The following HIPK2 variants were observed in gnomAD, a reference collection of about 807,000 sequenced individuals.
The protein encoded by HIPK2 is homeodomain interacting protein kinase 2.
Under a neutral mutation model 113.7 loss-of-function variants are expected in HIPK2, and 27 were observed. The ratio of observed to expected loss-of-function variants is 0.24; its 90% CI spans 0.17 to 0.33. The LOEUF is 0.33. Ranked by LOEUF, HIPK2 falls within the 10% of genes least tolerant of loss-of-function variation. The pLI is 1.00. For synonymous variants in HIPK2, 631 were observed against 642.2 expected (o/e 0.98, Z 0.26); for missense variants, 1,257 against 1,588.0 (o/e 0.79, Z 3.54).
intron 1 of HIPK2, among the ~76,000 whole-genome samples, chr7:139,758,758 A>C (rs554078147): frequency 1.3e-5 from 2 of 152,170 alleles, no homozygotes; most frequent in Non-Finnish European, 2.9e-5. Flanking sequence ...CCCCCAGTCC[A>C]TGGAAAAATT....
chr7:139,634,680 T>G (rs1238412173), intron 2 of HIPK2, among the ~76,000 whole-genome samples: 2 of 141,974 alleles, frequency 1.4e-5, no homozygotes, highest in Non-Finnish European at 1.5e-5. Flanking sequence ...TCAGGTTTTT[T>G]TTTTTTTTTT....
chr7:139,714,046 G>A lies in HIPK2; in HGVS notation c.1103+1886C>T, dbSNP rs148854842. On this transcript the variant is annotated intron_variant, in intron 2 of 14. Coordinates refer to ENST00000406875, the MANE Select transcript of HIPK2 (RefSeq NM_022740.5). This position sits in a 1 kb window ranked among gnomAD's most constrained non-coding sequence, Gnocchi z 4.2. ...CCCTGCCATTGGCTCTGGGGCCAGC[G>A]GGGCACAGAGTGGATGGCCTGGTCA... Among the ~76,000 whole-genome samples, 215 of 152,310 alleles carry A rather than the reference G, an allele frequency of 1.4e-3. No homozygotes were observed. Among genetic ancestry groups the A allele is most frequent in the African/African-American group, 4.9e-3 (203 of 41,572 alleles).
intron 10 of HIPK2, among the ~76,000 whole-genome samples, chr7:139,602,491 G>A (rs142881483): frequency 0.016 from 2,402 of 152,174 alleles, 30 homozygotes; most frequent in Non-Finnish European, 0.024. Context: ...GAGGGAGGAG[G>A]AATAAGAAAA....
intron 14 of HIPK2, among the ~76,000 whole-genome samples, chr7:139,574,688 G>C (rs1448519262): frequency 6.6e-6 from 1 of 152,186 alleles, no homozygotes; most frequent in Non-Finnish European, 1.5e-5. Context: ...CCTTCCTCCA[G>C]GTCCTGGGAC....
At chr7:139,748,519 G>C (rs1388040413) in intron 1 of HIPK2, among the ~76,000 whole-genome samples, 2 of 151,554 alleles carry the variant, frequency 1.3e-5, no homozygotes, top group Non-Finnish European at 2.9e-5. Context: ...TTTCCGGTGG[G>C]CGCTGGCAAT....
intron 1 of HIPK2, among the ~76,000 whole-genome samples, chr7:139,731,209 G>A (rs1795769102): frequency 1.3e-5 from 2 of 152,168 alleles, no homozygotes; most frequent in African/African-American, 2.4e-5. Flanking sequence ...GCAAAGTGAC[G>A]CTGGCCAAAT....
intron 2 of HIPK2, among the ~76,000 whole-genome samples, chr7:139,706,462 A>G (rs1484883205): frequency 1.3e-5 from 2 of 152,242 alleles, no homozygotes; most frequent in African/African-American, 4.8e-5. Context: ...GATGCCGCTC[A>G]TATCATTCAT....
intron 2 of HIPK2, among the ~76,000 whole-genome samples, chr7:139,715,619 C>A (rs1795205694): frequency 6.6e-6 from 1 of 152,134 alleles, no homozygotes; most frequent in East Asian, 1.9e-4. Flanking sequence ...ATGGCACATC[C>A]CTCTCTCTCC....
chr7:139,596,579 C>T (rs1466010590), intron 12 of HIPK2, 138 bp downstream of exon 12: 4 of 1,144,972 alleles, frequency 3.5e-6, no homozygotes, highest in South Asian at 1.5e-5. Flanking sequence ...AACTTTAGGA[C>T]CACAGTAGAT....
At chr7:139,766,087 G>A (rs1796548371) in intron 1 of HIPK2, among the ~76,000 whole-genome samples, 1 of 152,190 alleles carries the variant, frequency 6.6e-6, no homozygotes, top group Admixed American at 6.5e-5. Context: ...AGTCTCTACT[G>A]TGCAGCTGGT....
In HIPK2 at chr7:139,563,743, G is replaced by A. The variant is rs996720868; in HGVS notation, c.*9184C>T. 10 of 398,110 alleles carry A rather than the reference G, an allele frequency of 2.5e-5. No homozygotes were observed. The highest frequency in any genetic ancestry group is 6.3e-4 in the Middle Eastern group (1 of 1,588). The allele number at this position is 398,110 out of a possible 1,614,324, so 24.7% of individuals were successfully genotyped here. On this transcript the variant is annotated 3_prime_UTR_variant, in exon 15 of 15. Coordinates refer to ENST00000406875, the MANE Select transcript of HIPK2 (RefSeq NM_022740.5). ...CACCAAAAGACTGTCCTAAGAACAC[G>A]CTGTCAATACAGTTCACAGGGAAAA...
At chr7:139,735,253 C>T (rs1795905193) in intron 1 of HIPK2, among the ~76,000 whole-genome samples, 1 of 152,180 alleles carries the variant, frequency 6.6e-6, no homozygotes, top group Non-Finnish European at 1.5e-5. Context: ...AAATAAGCAA[C>T]TTTCTCATCT....
At chr7:139,634,681 T>G (rs1800746585) in intron 2 of HIPK2, among the ~76,000 whole-genome samples, 1 of 142,984 alleles carries the variant, frequency 7.0e-6, no homozygotes, top group South Asian at 2.2e-4. Context: ...CAGGTTTTTT[T>G]TTTTTTTTTT....
chr7:139,694,660 T>C (rs1289641672), intron 2 of HIPK2, among the ~76,000 whole-genome samples: 2 of 152,094 alleles, frequency 1.3e-5, no homozygotes, highest in African/African-American at 4.8e-5. Flanking sequence ...CATGGTCACA[T>C]AAAAACAGAG....
intron 7 of HIPK2, among the ~76,000 whole-genome samples, chr7:139,616,215 C>T (rs1800039443): frequency 6.6e-6 from 1 of 152,210 alleles, no homozygotes; most frequent in Non-Finnish European, 1.5e-5. Context: ...CTGGAATCCA[C>T]TGACTCTTTT....
chr7:139,741,166 T>C (rs1312028835), intron 1 of HIPK2, among the ~76,000 whole-genome samples: 1 of 152,008 alleles, frequency 6.6e-6, no homozygotes, highest in African/African-American at 2.4e-5. Context: ...ATTCCAAAGC[T>C]AGTTAAGCAA....
chr7:139,588,320 C>T (rs966512929), intron 12 of HIPK2, among the ~76,000 whole-genome samples: 1 of 150,602 alleles, frequency 6.6e-6, no homozygotes, highest in African/African-American at 2.4e-5. Flanking sequence ...TCTGCCCCCA[C>T]ACCGCGCTGG....
chr7:139,641,845 T>G (rs1440005488), intron 2 of HIPK2, among the ~76,000 whole-genome samples: 2 of 152,246 alleles, frequency 1.3e-5, no homozygotes, highest in Non-Finnish European at 2.9e-5. Context: ...CGAACTTGGG[T>G]AATAAATCTG....
intron 1 of HIPK2, among the ~76,000 whole-genome samples, chr7:139,756,101 C>CA (rs1796357761): frequency 6.6e-6 from 1 of 152,158 alleles, no homozygotes; most frequent in Admixed American, 6.5e-5. Flanking sequence ...TTCCTATCCC[C>CA]AACCCAAACA....
Sources: allele counts gnomAD v4.1 joint callset (sites outside exome capture counted in the v4.1 genomes callset), GRCh38; gene constraint gnomAD v4.1.1; non-coding constraint Gnocchi (gnomAD v3.1); transcripts MANE v1.5; gene names NCBI Gene and HGNC (gene_info 2026-07-23, HGNC 2026-07-21).